DDX10: variants seen among roughly 807,000 people sequenced by gnomAD.
DDX10 encodes probable ATP-dependent RNA helicase DDX10.
In DDX10, 74 loss-of-function variants were observed where a neutral mutation model predicts 104.3. The ratio of observed to expected loss-of-function variants is 0.71; its 90% CI spans 0.59 to 0.86. The LOEUF is 0.86. DDX10 is among the 40% of genes least tolerant of loss of function. DDX10 has a pLI of 0.00. For missense variants in DDX10, 952 were observed against 1,040.0 expected (o/e 0.92, Z 1.16); for synonymous variants, 351 against 353.4 (o/e 0.99, Z 0.08).
intron 9 of DDX10, among the ~76,000 whole-genome samples, chr11:108,700,301 T>G (rs1357419010): frequency 1.3e-5 from 2 of 152,198 alleles, no homozygotes; most frequent in Non-Finnish European, 2.9e-5. Context: ...TGAAAGAGGT[T>G]CTCATATTAG....
intron 17 of DDX10, chr11:108,920,855 G>A (rs183259766): frequency 2.6e-5 from 4 of 152,366 alleles, no homozygotes; most frequent in African/African-American, 9.6e-5. Context: ...TCTACCACTA[G>A]CATTTGGGAC....
chr11:108,907,671 A>G (rs926042906), intron 16 of DDX10, among the ~76,000 whole-genome samples: 20 of 152,144 alleles, frequency 1.3e-4, no homozygotes, highest in Non-Finnish European at 2.9e-5. Context: ...GCTGGGTGTT[A>G]GGAAGGGCAG....
intron 16 of DDX10, among the ~76,000 whole-genome samples, chr11:108,904,369 A>C (rs1591118811): frequency 6.6e-6 from 1 of 152,202 alleles, no homozygotes; most frequent in Non-Finnish European, 1.5e-5. Flanking sequence ...TTACATTTGT[A>C]GGAATGTTTT....
At chr11:108,917,372 TA>T in intron 16 of DDX10, among the ~76,000 whole-genome samples, 1 of 152,244 alleles carries the variant, frequency 6.6e-6, no homozygotes, top group African/African-American at 2.4e-5. Context: ...ACAGGATCAC[TA>T]AAACAATTTT....
intron 16 of DDX10, among the ~76,000 whole-genome samples, chr11:108,916,716 A>G (rs555603211): frequency 1.3e-5 from 2 of 152,328 alleles, no homozygotes; most frequent in Non-Finnish European, 2.9e-5. Flanking sequence ...TGTTAAATGC[A>G]TGTGCCACTG....
chr11:108,806,757 A>G (rs1377707001), intron 13 of DDX10, among the ~76,000 whole-genome samples: 1 of 152,146 alleles, frequency 6.6e-6, no homozygotes, highest in Non-Finnish European at 1.5e-5. Flanking sequence ...GGAGCTAGCC[A>G]TCTAAGAGGT....
chr11:108,908,436 A>G (rs1863626131), intron 16 of DDX10, among the ~76,000 whole-genome samples: 2 of 152,208 alleles, frequency 1.3e-5, no homozygotes, highest in African/African-American at 4.8e-5. Flanking sequence ...CTTTTAATTC[A>G]TACAATATGG....
intron 5 of DDX10, among the ~76,000 whole-genome samples, chr11:108,678,692 A>G (rs1470184611): frequency 6.6e-6 from 1 of 152,140 alleles, no homozygotes; most frequent in Non-Finnish European, 1.5e-5. Flanking sequence ...GGTTTTTAAC[A>G]CCTGCTTCTA....
intron 6 of DDX10, among the ~76,000 whole-genome samples, chr11:108,684,650 GCAATAAA>G: frequency 7.9e-6 from 1 of 126,558 alleles, no homozygotes; most frequent in Non-Finnish European, 1.7e-5. Flanking sequence ...GAATAATGCC[GCAATAAA>G]CATACGTGTG....
intron 13 of DDX10, among the ~76,000 whole-genome samples, chr11:108,803,912 A>G (rs1449255382): frequency 6.6e-6 from 1 of 152,208 alleles, no homozygotes; most frequent in Non-Finnish European, 1.5e-5. Flanking sequence ...TACATGAAAC[A>G]ATCCCATTCC....
At chr11:108,707,481 T>C (rs1026685435) in intron 10 of DDX10, among the ~76,000 whole-genome samples, 2 of 152,230 alleles carry the variant, frequency 1.3e-5, no homozygotes, top group Non-Finnish European at 2.9e-5. Flanking sequence ...AACATTTCAT[T>C]GTCTGGACGC....
intron 16 of DDX10, among the ~76,000 whole-genome samples, chr11:108,854,432 T>G (rs1402699985): frequency 6.6e-6 from 1 of 152,228 alleles, no homozygotes; most frequent in African/African-American, 2.4e-5. Context: ...ATCATTGTGT[T>G]ACTTAGGATA....
Position 108,838,524 on chromosome 11 carries a change from T to G in DDX10, c.2044T>G (p.Phe682Val). The change falls in exon 14 of 18, where the codon TTT (phenylalanine) becomes GTT (valine). Residue 682 changes from phenylalanine (F) to valine (V), a missense_variant. Around this residue, in one of 3 missense-constraint regions of DDX10, gnomAD observed 533 missense variants for 534.1 expected, o/e 1.00. Coordinates refer to ENST00000322536, the MANE Select transcript of DDX10 (RefSeq NM_004398.4). ...AGCAAAAAAAGTAATGAAGAGAAATTTTAAAGTGAATAAGAAGATAACATT... is the reference window on the plus strand; with the variant it reads ...AGCAAAAAAAGTAATGAAGAGAAATGTTAAAGTGAATAAGAAGATAACATT... ...AEAKKVMKRN[F>V]KVNKKITFTD... 1 of 1,612,552 alleles carries G rather than the reference T, an allele frequency of 6.2e-7. No homozygotes were observed. Among genetic ancestry groups the G allele is most frequent in the East Asian group, 2.2e-5 (1 of 44,758 alleles).
At chr11:108,754,775 A>C (rs2134508726) in intron 13 of DDX10, among the ~76,000 whole-genome samples, 1 of 152,168 alleles carries the variant, frequency 6.6e-6, no homozygotes, top group South Asian at 2.1e-4. Context: ...GAAATCTATG[A>C]GAACGGAGAG....
At chr11:108,715,643 A>G (rs1228270974) in intron 10 of DDX10, among the ~76,000 whole-genome samples, 3 of 152,164 alleles carry the variant, frequency 2.0e-5, no homozygotes, top group Non-Finnish European at 2.9e-5. Flanking sequence ...CAAGTATTTC[A>G]CTCAGCATGG....
intron 13 of DDX10, among the ~76,000 whole-genome samples, chr11:108,800,686 C>T (rs774183049): frequency 7.2e-5 from 11 of 152,118 alleles, no homozygotes; most frequent in Non-Finnish European, 1.2e-4. Flanking sequence ...ACTATTGTTT[C>T]CCATCAATAT....
intron 17 of DDX10, among the ~76,000 whole-genome samples, chr11:108,933,616 T>C (rs765035296): frequency 5.9e-5 from 9 of 152,264 alleles, no homozygotes; most frequent in Non-Finnish European, 1.0e-4. Flanking sequence ...TATTGGGTAC[T>C]TCTTTTTTAC....
At chr11:108,786,591 C>T (rs1386384885) in intron 13 of DDX10, among the ~76,000 whole-genome samples, 1 of 152,112 alleles carries the variant, frequency 6.6e-6, no homozygotes, top group African/African-American at 2.4e-5. Context: ...GAATAGAACA[C>T]TTTATCATTA....
At position 108,789,668 on chromosome 11, in the gene DDX10, CTCAAAAATTGTATT is replaced by C. The variant is rs1286441053; in HGVS notation, c.1966-48777_1966-48764del. ...CTTGTTTATAAAGCCAAACTTGTAT[CTCAAAAATTGTATT>C]GCCAGGGATAACATGTAGGATGCTT... On this transcript the variant is annotated intron_variant, in intron 13 of 17. Coordinates refer to ENST00000322536, the MANE Select transcript of DDX10 (RefSeq NM_004398.4). Among the ~76,000 whole-genome samples the C allele has an allele frequency of 3.3e-5, 5 of 152,268 alleles. 1 individual carries two copies. The South Asian group carries it at 1.0e-3, about 32-fold the overall frequency.
Sources: gnomAD v4.1 joint callset for allele counts (sites outside exome capture counted in the v4.1 genomes callset) on GRCh38, gnomAD v4.1.1 for gene constraint, gnomAD v4.1.1 regional missense constraint, MANE v1.5 for transcripts, NCBI Gene and HGNC (gene_info 2026-07-23, HGNC 2026-07-21) for gene names.